The following VPS13C variants were observed in gnomAD, a reference collection of about 807,000 sequenced individuals.
The protein encoded by VPS13C is intermembrane lipid transfer protein VPS13C.
VPS13C carries 358 observed loss-of-function variants against 456.8 expected under a neutral mutation model. The ratio of observed to expected loss-of-function variants is 0.78; its 90% CI spans 0.72 to 0.86. The LOEUF is 0.86. Among genes scored for constraint, VPS13C ranks in the 40% least tolerant of loss-of-function variants. The pLI, the probability that VPS13C is intolerant of heterozygous loss-of-function variation, is 0.00. For synonymous variants in VPS13C, 1,578 were observed against 1,486.7 expected (o/e 1.06, Z -1.41); for missense variants, 4,818 against 4,385.4 (o/e 1.10, Z -2.79).
intron 8 of VPS13C, among the ~76,000 whole-genome samples, chr15:62,022,651 G>C (rs2047505085): frequency 6.6e-6 from 1 of 151,608 alleles, no homozygotes; most frequent in African/African-American, 2.4e-5. Flanking sequence ...AACTTACCAA[G>C]AAAAGAAAAA....
At chr15:61,994,551 G>C (rs907436441) in intron 16 of VPS13C, among the ~76,000 whole-genome samples, 1 of 151,848 alleles carries the variant, frequency 6.6e-6, no homozygotes, top group Non-Finnish European at 1.5e-5. Flanking sequence ...AAACAGTGAA[G>C]CAAATTCTGG....
intron 67 of VPS13C, among the ~76,000 whole-genome samples, chr15:61,886,304 C>T (rs1364924584): frequency 1.3e-5 from 2 of 151,976 alleles, no homozygotes; most frequent in South Asian, 2.1e-4. Flanking sequence ...GAAAATGTTA[C>T]GGTAAGTGCT....
At chr15:61,943,372 A>G (rs538824200) in intron 45 of VPS13C, among the ~76,000 whole-genome samples, 62 of 152,302 alleles carry the variant, frequency 4.1e-4, no homozygotes, top group African/African-American at 1.4e-3. Context: ...ATACTATACT[A>G]TAAAGCTACA....
intron 66 of VPS13C, among the ~76,000 whole-genome samples, chr15:61,903,600 A>C (rs2043068740): frequency 6.6e-6 from 1 of 152,232 alleles, no homozygotes; most frequent in African/African-American, 2.4e-5. Context: ...CTACAAGACC[A>C]ATGCAATCCC....
At chr15:62,051,659 C>T (rs1282703194) in intron 1 of VPS13C, among the ~76,000 whole-genome samples, 3 of 152,156 alleles carry the variant, frequency 2.0e-5, no homozygotes, top group African/African-American at 7.2e-5. Context: ...GTCGGTTCCA[C>T]TTTTGGTCTC....
intron 4 of VPS13C, among the ~76,000 whole-genome samples, chr15:62,034,447 A>G (rs936365628): frequency 4.0e-5 from 6 of 151,742 alleles, no homozygotes; most frequent in Admixed American, 2.6e-4. Flanking sequence ...AATAATAAAG[A>G]TATTACTTAA....
At chr15:61,907,182 G>C (rs1303797983) in intron 66 of VPS13C, 82 bp downstream of exon 66, 2 of 1,595,830 alleles carry the variant, frequency 1.3e-6, no homozygotes, top group African/African-American at 2.7e-5. Flanking sequence ...GTTCAATTAG[G>C]ACAAGGAGTC....
intron 82 of VPS13C, among the ~76,000 whole-genome samples, chr15:61,859,715 C>T (rs944527023): frequency 2.6e-5 from 4 of 152,186 alleles, no homozygotes; most frequent in Non-Finnish European, 5.9e-5. Flanking sequence ...GTCCATCGCT[C>T]TTCTTAGCAC....
chr15:61,991,559 T>G, intron 17 of VPS13C, 114 bp downstream of exon 17: 3 of 1,198,308 alleles, frequency 2.5e-6, no homozygotes, highest in Non-Finnish European at 2.3e-6. Context: ...TTTACTATAC[T>G]GAGGTAATTT....
At chr15:61,957,993 G>A (rs1266224254) in intron 37 of VPS13C, among the ~76,000 whole-genome samples, 2 of 151,622 alleles carry the variant, frequency 1.3e-5, no homozygotes, top group African/African-American at 2.4e-5. Context: ...CATACAGGAT[G>A]CTACCATTTG....
At chr15:62,000,311 G>A (rs920999543) in intron 16 of VPS13C, among the ~76,000 whole-genome samples, 7 of 152,152 alleles carry the variant, frequency 4.6e-5, no homozygotes, top group South Asian at 2.1e-4. Context: ...GCTGCAGCGA[G>A]CCAAGATCAC....
At chr15:61,943,905 C>A in intron 45 of VPS13C, among the ~76,000 whole-genome samples, 1 of 108,804 alleles carries the variant, frequency 9.2e-6, no homozygotes. Flanking sequence ...GTCTAACATC[C>A]AGAATCTATA....
chr15:61,861,510 A>T (rs1330318116), intron 82 of VPS13C, among the ~76,000 whole-genome samples: 2 of 152,102 alleles, frequency 1.3e-5, no homozygotes, highest in Non-Finnish European at 2.9e-5. Flanking sequence ...CTCCTGTTCT[A>T]TGTTATCTAC....
rs764830921 is a variant in VPS13C, at chr15:61,962,552, A to T, written c.3436-14T>A. On this transcript the variant is annotated splice_polypyrimidine_tract_variant and intron_variant, in intron 33 of 84. Coordinates refer to ENST00000644861, the MANE Select transcript of VPS13C (RefSeq NM_020821.3). ...TATTGACACAGCCTGAAAAACAGAG[A>T]CTTGAATGTACTCTATCCGGGAAGG... 3.7e-6 allele frequency: 6 copies of T among 1,603,772 alleles called. No individual in the cohort carries two copies. The Admixed American group carries it at 1.0e-4, about 27-fold the overall frequency.
At chr15:61,964,045 T>G in intron 31 of VPS13C, 94 bp from the exon 32 acceptor site, 1 of 683,160 alleles carries the variant, frequency 1.5e-6, no homozygotes, top group Non-Finnish European at 2.3e-6. Context: ...ACCACTGTTA[T>G]GTTAAAAAAA....
intron 16 of VPS13C, among the ~76,000 whole-genome samples, chr15:61,998,108 G>A (rs2046455313): frequency 6.6e-6 from 1 of 152,124 alleles, no homozygotes; most frequent in South Asian, 2.1e-4. Flanking sequence ...TTTCCTGAAT[G>A]AGCCAGGTAT....
intron 81 of VPS13C, chr15:61,864,812 C>G (rs1894430723): frequency 1.0e-6 from 1 of 984,290 alleles, no homozygotes; most frequent in Non-Finnish European, 1.2e-6. Flanking sequence ...AACACTTTTG[C>G]CTTAATTTCT....
intron 55 of VPS13C, 34 bp downstream of exon 55, chr15:61,921,913 C>A: frequency 6.3e-7 from 1 of 1,581,052 alleles, no homozygotes; most frequent in South Asian, 1.1e-5. Flanking sequence ...TGCATAGTAT[C>A]ATTCTATCCA....
At chr15:61,971,807 A>G (rs2045564650) in intron 27 of VPS13C, among the ~76,000 whole-genome samples, 1 of 152,258 alleles carries the variant, frequency 6.6e-6, no homozygotes, top group South Asian at 2.1e-4. Context: ...AACAGTAAAG[A>G]ACATACCTTT....
Sources: allele counts gnomAD v4.1 joint callset (sites outside exome capture counted in the v4.1 genomes callset), GRCh38; gene constraint gnomAD v4.1.1; transcripts MANE v1.5; gene names NCBI Gene and HGNC (gene_info 2026-07-23, HGNC 2026-07-21).